Variants in ATP5MC2 observed in about 807,000 individuals in gnomAD.
ATP5MC2 encodes ATP synthase membrane subunit c locus 2, also known as ATP synthase F(0) complex subunit C2, mitochondrial.
A neutral mutation model predicts 13.5 loss-of-function variants in ATP5MC2; 11 were observed. That is an observed-to-expected ratio of 0.81 (90% CI 0.51 to 1.35). ATP5MC2 has a LOEUF of 1.35. Ranked by LOEUF, ATP5MC2 falls within the 40% of genes most tolerant of loss-of-function variation. The probability of loss-of-function intolerance (pLI) is 0.00; values close to 1 mark genes in which losing one functional copy is unlikely to be tolerated. For missense variants in ATP5MC2, 132 were observed against 175.0 expected, an observed-to-expected ratio of 0.75 and a Z score of 1.39; for synonymous variants, 64 against 69.7, an observed-to-expected ratio of 0.92 and a Z score of 0.41.
upstream of ATP5MC2, chr12:53,676,394 T>A: frequency 1.5e-6 from 1 of 680,352 alleles, no homozygotes; most frequent in Non-Finnish European, 2.4e-6. Context: ...TGCGCAGTCG[T>A]CACACTGCCA....
chr12:53,678,885 G>A (rs561454847), upstream of ATP5MC2, among the ~76,000 whole-genome samples: 1 of 152,242 alleles, frequency 6.6e-6, no homozygotes, highest in South Asian at 2.1e-4. Flanking sequence ...GGACTGATTG[G>A]CCAGTTTTTT....
Position 53,672,581 on chromosome 12 carries a change from A to G in ATP5MC2, c.34T>C (p.Ser12Pro). 1 of 1,578,422 alleles carries G rather than the reference A, an allele frequency of 6.3e-7. No individual in the cohort carries two copies. Among genetic ancestry groups the G allele is most frequent in the South Asian group, 1.2e-5 (1 of 85,930 alleles). The change falls in exon 2 of 5, where the codon TCC becomes CCC. Residue 12 changes from serine to proline, a missense_variant. Ser to Pro is a moderately conservative substitution (Grantham distance 74, BLOSUM62 -1). Transcript: ENST00000394349. ...FACSKFVSTP[S>P]LVKSTSQLLS... ...CCAGAAAAGCAGGTACTCACCAAGG[A>G]GGGAGTGGAGACAAACTTGGAGCAG...
chr12:53,672,476 C>T, intron 2 of ATP5MC2, 100 bp downstream of exon 2: 1 of 1,275,394 alleles, frequency 7.8e-7, no homozygotes, highest in African/African-American at 1.5e-5. Context: ...CCCGCCTGGA[C>T]CTCCTCTCCC....
chr12:53,675,788 A>T (rs765131193), intron 1 of ATP5MC2, among the ~76,000 whole-genome samples: 2 of 152,238 alleles, frequency 1.3e-5, no homozygotes, highest in Non-Finnish European at 2.9e-5. Flanking sequence ...GGAACAGGTG[A>T]AAAGCAGCAC....
chr12:53,672,071 G>A (rs1434855533), intron 2 of ATP5MC2, among the ~76,000 whole-genome samples: 5 of 61,984 alleles, frequency 8.1e-5, no homozygotes, highest in African/African-American at 2.3e-4. Flanking sequence ...CAACAAGAGC[G>A]AAACTCTGTC....
At chr12:53,675,953 G>C in intron 1 of ATP5MC2, 100 bp downstream of exon 1, 1 of 1,499,156 alleles carries the variant, frequency 6.7e-7, no homozygotes. Context: ...GAGGACCAGG[G>C]TGGGAGCACG....
chr12:53,675,967 G>T, intron 1 of ATP5MC2, 86 bp downstream of exon 1: 1 of 1,548,412 alleles, frequency 6.5e-7, no homozygotes, highest in Non-Finnish European at 8.7e-7. Flanking sequence ...GAGCACGCAA[G>T]GTAAGCGCCT....
chr12:53,675,867 C>A (rs1369977084), intron 1 of ATP5MC2, among the ~76,000 whole-genome samples, 186 bp downstream of exon 1: 1 of 152,216 alleles, frequency 6.6e-6, no homozygotes, highest in Non-Finnish European at 1.5e-5. Flanking sequence ...GGCGCCAGGC[C>A]CGCGCGGTTG....
chr12:53,669,015 C>A, intron 4 of ATP5MC2, 133 bp downstream of exon 4: 4 of 1,238,592 alleles, frequency 3.2e-6, no homozygotes, highest in Non-Finnish European at 4.2e-6. Flanking sequence ...GTTACTGTCT[C>A]AAAACAAACA....
At chr12:53,667,375 G>C (rs1032644722) in intron 4 of ATP5MC2, among the ~76,000 whole-genome samples, 5 of 152,186 alleles carry the variant, frequency 3.3e-5, no homozygotes, top group Admixed American at 2.6e-4. Flanking sequence ...TGTTCACTGA[G>C]TCTCTAGAAC....
At chr12:53,675,960 C>G in intron 1 of ATP5MC2, 93 bp downstream of exon 1, 1 of 1,524,192 alleles carries the variant, frequency 6.6e-7, no homozygotes, top group South Asian at 1.3e-5. Context: ...AGGGTGGGAG[C>G]ACGCAAGGTA....
At chr12:53,680,561 G>A (rs913041007), upstream of ATP5MC2, among the ~76,000 whole-genome samples, 1 of 152,062 alleles carries the variant, frequency 6.6e-6, no homozygotes, top group Non-Finnish European at 1.5e-5. Flanking sequence ...TAGGCATGGT[G>A]GCTCATGCCT....
chr12:53,676,179 A>T (rs1018572290), upstream of ATP5MC2: 4 of 1,614,048 alleles, frequency 2.5e-6, no homozygotes, highest in African/African-American at 5.3e-5. Flanking sequence ...AACATACAGG[A>T]TCAGCTCAGG....
intron 1 of ATP5MC2, among the ~76,000 whole-genome samples, chr12:53,674,845 C>G (rs867631906): frequency 1.3e-5 from 2 of 152,194 alleles, no homozygotes; most frequent in South Asian, 2.1e-4. Context: ...TGCTGCCGTA[C>G]TATTCAGGTT....
At chr12:53,677,627 C>G (rs1242112889), upstream of ATP5MC2, among the ~76,000 whole-genome samples, 1 of 152,174 alleles carries the variant, frequency 6.6e-6, no homozygotes, top group African/African-American at 2.4e-5. Flanking sequence ...GCCTGTCTTT[C>G]CTAAATTCGC....
Position 53,676,069 on chromosome 12 carries a change from GAAGACA to G in ATP5MC2, c.-54_-49del. 1 of 1,614,172 alleles carries G rather than the reference GAAGACA, an allele frequency of 6.2e-7. No individual in the cohort carries two copies. Among genetic ancestry groups the G allele is most frequent in the Non-Finnish European group, 8.5e-7 (1 of 1,180,026 alleles). Reference sequence around the variant, plus strand: ...AGGCCTTACCTGCTCCCACTGCAGAGAAGACAGAGAGGGGCGGAGCAGCGGGAAGAG... The same window carrying G: ...AGGCCTTACCTGCTCCCACTGCAGAGGAGAGGGGCGGAGCAGCGGGAAGAG... On this transcript the variant is annotated 5_prime_UTR_variant, in exon 1 of 5. Coordinates refer to ENST00000394349, the MANE Select transcript of ATP5MC2 (RefSeq NM_005176.7).
chr12:53,669,717 G>C (rs1800633), intron 3 of ATP5MC2, among the ~76,000 whole-genome samples, 154 bp downstream of exon 3: 1 of 152,028 alleles, frequency 6.6e-6, no homozygotes, highest in African/African-American at 2.4e-5. Context: ...AGTGTATTAA[G>C]TGTCCTCCAT....
chr12:53,667,976 T>TATATAC (rs71068163), intron 4 of ATP5MC2, among the ~76,000 whole-genome samples: 8 of 53,010 alleles, frequency 1.5e-4, no homozygotes, highest in African/African-American at 7.9e-4. Flanking sequence ...TATATATATA[T>TATATAC]ATATATATAT....
At chr12:53,666,477 T>A (rs1944916900) in intron 4 of ATP5MC2, among the ~76,000 whole-genome samples, 2 of 151,430 alleles carry the variant, frequency 1.3e-5, no homozygotes, top group South Asian at 4.2e-4. Context: ...CTCAGGAGGC[T>A]GAGGCAGGAG....
Sources: allele counts gnomAD v4.1 joint callset (sites outside exome capture counted in the v4.1 genomes callset), GRCh38; gene constraint gnomAD v4.1.1; transcripts MANE v1.5; gene names NCBI Gene and HGNC (gene_info 2026-07-23, HGNC 2026-07-21).